Variants in TAB2 observed in about 807,000 individuals in gnomAD.
The protein encoded by TAB2 is TGF-beta-activated kinase 1 and MAP3K7-binding protein 2.
In TAB2, 3 loss-of-function variants were observed where a neutral mutation model predicts 65.0. The ratio of observed to expected loss-of-function variants is 0.05; its 90% CI spans 0.02 to 0.12. The LOEUF (loss-of-function observed/expected upper bound fraction) is 0.12, where lower values mean the gene tolerates loss of function less well. TAB2 is among the 10% of genes least tolerant of loss of function. The pLI is 1.00. For missense variants in TAB2, 623 were observed against 840.3 expected (o/e 0.74, Z 3.20); for synonymous variants, 298 against 285.1 (o/e 1.05, Z -0.46).
intron 1 of TAB2, among the ~76,000 whole-genome samples, chr6:149,324,945 C>T (rs1237494212): frequency 1.3e-5 from 2 of 150,924 alleles, no homozygotes; most frequent in African/African-American, 4.9e-5. Flanking sequence ...TACAAGTGTG[C>T]GCAACTACAT....
At chr6:149,275,131 T>TG (rs1308849558) in intron 1 of TAB2, among the ~76,000 whole-genome samples, 8 of 119,784 alleles carry the variant, frequency 6.7e-5, no homozygotes, top group African/African-American at 2.8e-4. Flanking sequence ...TTCTGTTTTT[T>TG]TTTTTTTTTT....
chr6:149,309,016 T>C (rs1779120150), intron 1 of TAB2, among the ~76,000 whole-genome samples: 1 of 107,924 alleles, frequency 9.3e-6, no homozygotes. Flanking sequence ...CCAGGATAGA[T>C]AATAAAAAAA....
At chr6:149,235,997 A>C (rs1289286167) in intron 1 of TAB2, among the ~76,000 whole-genome samples, 3 of 152,236 alleles carry the variant, frequency 2.0e-5, no homozygotes, top group African/African-American at 7.2e-5. Context: ...GCACCCAAAA[A>C]GTGAAAAATG....
At chr6:149,358,672 G>GTGTGTGTGTGTGTGT (rs1210676011) in intron 1 of TAB2, among the ~76,000 whole-genome samples, 1 of 151,118 alleles carries the variant, frequency 6.6e-6, no homozygotes, top group African/African-American at 2.4e-5. Flanking sequence ...GTGTGTGTGT[G>GTGTGTGTGTGTGTGT]TTTTCAGTAT....
intron 3 of TAB2, among the ~76,000 whole-genome samples, chr6:149,388,715 T>G (rs1781882017): frequency 6.6e-6 from 1 of 152,244 alleles, no homozygotes; most frequent in Non-Finnish European, 1.5e-5. Context: ...TCTTTTCATG[T>G]GTTCTTTTTC....
At chr6:149,235,285 G>A (rs1179635460) in intron 1 of TAB2, among the ~76,000 whole-genome samples, 1 of 152,206 alleles carries the variant, frequency 6.6e-6, no homozygotes, top group Non-Finnish European at 1.5e-5. Flanking sequence ...ACTGGGCCCT[G>A]TGCCAAGGAA....
chr6:149,392,343 T>C (rs1782016447), intron 3 of TAB2, among the ~76,000 whole-genome samples: 1 of 152,176 alleles, frequency 6.6e-6, no homozygotes, highest in East Asian at 1.9e-4. Context: ...AGTTTCACCA[T>C]GTGGGCCAGG....
chr6:149,366,764 T>G (rs1033928770), intron 1 of TAB2, among the ~76,000 whole-genome samples: 2 of 152,154 alleles, frequency 1.3e-5, no homozygotes, highest in African/African-American at 4.8e-5. Context: ...AAAATAAAAT[T>G]GTACAATTGA....
intron 1 of TAB2, among the ~76,000 whole-genome samples, chr6:149,291,810 A>C (rs762059782): frequency 6.6e-6 from 1 of 152,094 alleles, no homozygotes; most frequent in Non-Finnish European, 1.5e-5. Context: ...GTAGTGAGCC[A>C]AGATCATACC....
At chr6:149,314,433 G>C (rs1392931794), upstream of TAB2, among the ~76,000 whole-genome samples, 5 of 152,168 alleles carry the variant, frequency 3.3e-5, no homozygotes, top group Non-Finnish European at 7.3e-5. Flanking sequence ...CAGATACACA[G>C]AATGAAGTGC....
chr6:149,314,946 CTT>C (rs1202336082), upstream of TAB2, among the ~76,000 whole-genome samples: 4 of 149,954 alleles, frequency 2.7e-5, no homozygotes, highest in African/African-American at 4.9e-5. Context: ...TTTCTCCAGT[CTT>C]GAGGATAAAA....
Position 149,378,943 on chromosome 6 carries a change from C to A in TAB2, c.1028C>A (p.Ser343Tyr). 6.2e-7 allele frequency: 1 copy of A among 1,614,180 alleles called. No individual in the cohort carries two copies. Among genetic ancestry groups the A allele is most frequent in the Non-Finnish European group, 8.5e-7 (1 of 1,180,036 alleles). Residue 343 changes from serine (S) to tyrosine (Y), a missense_variant, in exon 3 of 7, where the codon TCT (serine) becomes TAT (tyrosine). Ser to Tyr is a moderately radical substitution (Grantham distance 144). Coordinates refer to ENST00000637181, the MANE Select transcript of TAB2 (RefSeq NM_001292034.3). ...PQRNNSSKLR[S>Y]SGPRTSSTSS... ...AGAAATAATTCTTCAAAACTGCGTT[C>A]TTCTGGACCTCGAACCTCCAGCACT...
upstream of TAB2, chr6:149,317,435 CG>C: frequency 5.7e-6 from 1 of 174,494 alleles, no homozygotes; most frequent in Non-Finnish European, 1.2e-5. The surrounding 1 kb of genome is among the most constrained non-coding windows in gnomAD (Gnocchi z 4.7). Context: ...CCGCCGCCGC[CG>C]CCTGCTGCTC....
intron 1 of TAB2, among the ~76,000 whole-genome samples, chr6:149,230,768 G>A (rs771970171): frequency 2.0e-5 from 3 of 152,220 alleles, no homozygotes; most frequent in Non-Finnish European, 4.4e-5. Context: ...GAGCTGTCAT[G>A]AACTAGAAGG....
chr6:149,222,035 A>T (rs993373246), intron 1 of TAB2, among the ~76,000 whole-genome samples: 3 of 152,178 alleles, frequency 2.0e-5, no homozygotes, highest in African/African-American at 7.2e-5. Context: ...AGTGATCCTT[A>T]TCCAATCTGT....
rs147558484 is a variant in TAB2 at position 149,300,823 on chromosome 6, C to T, written c.-120-77195C>T. ...AGGAGTCCATACCATTAGTTCTTAG[C>T]TTCAAGACCTAAATCATGGAATTAA... On this transcript the variant is annotated intron_variant, in intron 1 of 1. Transcript: ENST00000606202. Among the ~76,000 whole-genome samples the T allele has an allele frequency of 3.2e-4, 49 of 152,310 alleles. No individual in the cohort carries two copies. The East Asian group carries it at 8.7e-3, about 27-fold the overall frequency.
chr6:149,334,139 C>T (rs1354382005), intron 1 of TAB2, among the ~76,000 whole-genome samples: 1 of 152,188 alleles, frequency 6.6e-6, no homozygotes, highest in East Asian at 1.9e-4. Context: ...TAACTCTTCA[C>T]TTGGCTTTCT....
chr6:149,347,491 CTG>C lies in TAB2; in HGVS notation c.-89-22417_-89-22416del, dbSNP rs375883195. On this transcript the variant is annotated intron_variant, in intron 1 of 6. Transcript: ENST00000637181. ...CTTTAAATTTTAAATCACTCTAAAT[CTG>C]AACATAATAGCTAACTTAAAATAAG... Among the ~76,000 whole-genome samples the C allele has an allele frequency of 2.4e-4, 36 of 152,252 alleles. No homozygotes were observed. In the South Asian group the frequency reaches 5.6e-3, roughly 24 times the overall value.
chr6:149,254,213 C>T (rs1777957047), intron 1 of TAB2, among the ~76,000 whole-genome samples: 1 of 152,052 alleles, frequency 6.6e-6, no homozygotes, highest in Admixed American at 6.5e-5. Context: ...TACGCTCCCC[C>T]AAAGACCTCC....
Sources: allele counts gnomAD v4.1 joint callset (sites outside exome capture counted in the v4.1 genomes callset), GRCh38; gene constraint gnomAD v4.1.1; non-coding constraint Gnocchi (gnomAD v3.1); transcripts MANE v1.5; gene names NCBI Gene and HGNC (gene_info 2026-07-23, HGNC 2026-07-21).